IL4: variants seen among roughly 807,000 people sequenced by gnomAD.
IL4 encodes the protein interleukin-4.
In IL4, 10 loss-of-function variants were observed where a neutral mutation model predicts 17.4. The observed-to-expected ratio is 0.57, with a 90% CI of 0.35 to 0.97. The LOEUF (loss-of-function observed/expected upper bound fraction) is 0.97. Ranked by LOEUF, IL4 falls within the 50% of genes least tolerant of loss-of-function variation. The pLI is 0.01. For missense variants in IL4, 174 were observed against 187.7 expected (o/e 0.93, Z 0.43); for synonymous variants, 87 against 79.0 (o/e 1.10, Z -0.54).
chr5:132,676,071 G>C (rs1302210478), intron 2 of IL4, among the ~76,000 whole-genome samples: 1 of 151,942 alleles, frequency 6.6e-6, no homozygotes, highest in African/African-American at 2.4e-5. Flanking sequence ...CTCTAACAAA[G>C]CCAAGGGAAG....
chr5:132,674,605 TTAACTC>T, intron 2 of IL4, 99 bp downstream of exon 2: 1 of 930,186 alleles, frequency 1.1e-6, no homozygotes, highest in African/African-American at 1.6e-5. Flanking sequence ...CGGGCCCAAA[TTAACTC>T]TAAGGTGTTA....
chr5:132,679,686 T>C lies in IL4; in HGVS notation c.184-28T>C, dbSNP rs199528038. ...CCATCCTCCAAATGGAGCTGGCACA[T>C]TGCTATCTGTGGCATTTGTCTTTCC... is the stretch of plus-strand genomic sequence containing the variant. On this transcript the variant is annotated intron_variant, in intron 2 of 3. Transcript: ENST00000231449. 98 of 1,586,870 alleles carry C rather than the reference T, an allele frequency of 6.2e-5. 1 individual carries two copies. The South Asian group carries it at 9.9e-4, about 16-fold the overall frequency.
intron 2 of IL4, among the ~76,000 whole-genome samples, chr5:132,676,870 C>T (rs1239833678): frequency 2.0e-5 from 3 of 152,150 alleles, no homozygotes; most frequent in African/African-American, 7.2e-5. Context: ...GCATTCTACT[C>T]TTGGCAGTTG....
chr5:132,676,811 A>C (rs1019824242), intron 2 of IL4, among the ~76,000 whole-genome samples: 1 of 152,146 alleles, frequency 6.6e-6, no homozygotes, highest in Non-Finnish European at 1.5e-5. Flanking sequence ...CAGCCTATTG[A>C]TTTTATTTCT....
intron 1 of IL4, 132 bp downstream of exon 1, chr5:132,674,317 G>T: frequency 7.5e-7 from 1 of 1,334,706 alleles, no homozygotes; most frequent in Non-Finnish European, 1.1e-6. Context: ...ACACAGCGAG[G>T]CTTCTCCCCT....
At chr5:132,676,308 G>A (rs1277028999) in intron 2 of IL4, among the ~76,000 whole-genome samples, 1 of 152,198 alleles carries the variant, frequency 6.6e-6, no homozygotes, top group East Asian at 1.9e-4. Flanking sequence ...TTAGTGCAAA[G>A]TGTTATTGTG....
Position 132,674,116 on chromosome 5 carries a change from CCACGGACACAAGTGCGATAT to C in IL4, c.70_89del (p.Gly24LeufsTer35), listed in dbSNP as rs1224018870. The C allele has an allele frequency of 1.2e-6, 2 of 1,614,042 alleles. No individual in the cohort carries two copies. The highest frequency in any genetic ancestry group is 1.7e-5 in the Admixed American group (1 of 60,000). ...TGCTAGCATGTGCCGGCAACTTTGT[CCACGGACACAAGTGCGATAT>C]CACCTTACAGGAGATCATCAAAACT... is the stretch of plus-strand genomic sequence containing the variant. On this transcript the variant is annotated frameshift_variant, in exon 1 of 4. Transcript: ENST00000231449. LOFTEE classifies it high-confidence loss of function.
chr5:132,674,120 G>C lies in IL4; in HGVS notation c.70G>C (p.Gly24Arg), dbSNP rs749150033. Residue 24 changes from glycine to arginine, a missense_variant, in exon 1 of 4, where the codon GGA becomes CGA. Physicochemically the swap from Gly to Arg is moderately radical, Grantham distance 125. Coordinates refer to ENST00000231449, the MANE Select transcript of IL4 (RefSeq NM_000589.4). ...LLACAGNFVH[G>R]HKCDITLQEI... ...AGCATGTGCCGGCAACTTTGTCCAC[G>C]GACACAAGTGCGATATCACCTTACA... The C allele has an allele frequency of 6.2e-7, 1 of 1,614,054 alleles. No individual in the cohort carries two copies. The highest frequency in any genetic ancestry group is 1.1e-5 in the South Asian group (1 of 91,064).
intron 2 of IL4, among the ~76,000 whole-genome samples, chr5:132,678,220 G>A (rs1752419047): frequency 6.6e-6 from 1 of 152,234 alleles, no homozygotes; most frequent in Non-Finnish European, 1.5e-5. Flanking sequence ...ATAGGGGCCT[G>A]ACAAATGACA....
intron 2 of IL4, 144 bp downstream of exon 2, chr5:132,674,650 C>T: frequency 1.5e-6 from 1 of 660,194 alleles, no homozygotes; most frequent in Non-Finnish European, 2.7e-6. Flanking sequence ...GAAGTCTGAT[C>T]TTTACTCTTA....
In IL4 at chr5:132,677,009, C is replaced by A. The variant is rs139532930; in HGVS notation, c.183+2503C>A. Among the ~76,000 whole-genome samples, 674 of 152,286 alleles carry A rather than the reference C, an allele frequency of 4.4e-3. 10 individuals carry two copies. The highest frequency in any genetic ancestry group is 0.014 in the African/African-American group (592 of 41,550). ...AAGCTGGCTGGCTGATGAAGGGTTTCTTGGGTGGACAAGTAGTTGGAGCTA... is the reference window on the plus strand; with the variant it reads ...AAGCTGGCTGGCTGATGAAGGGTTTATTGGGTGGACAAGTAGTTGGAGCTA... On this transcript the variant is annotated intron_variant, in intron 2 of 3. Coordinates refer to ENST00000231449, the MANE Select transcript of IL4 (RefSeq NM_000589.4).
intron 2 of IL4, among the ~76,000 whole-genome samples, chr5:132,676,919 G>A (rs1371194956): frequency 6.6e-6 from 1 of 152,196 alleles, no homozygotes; most frequent in Admixed American, 6.5e-5. Context: ...GGGCTTCACA[G>A]GTAACACCTG....
At chr5:132,677,086 T>C (rs537665639) in intron 2 of IL4, among the ~76,000 whole-genome samples, 1 of 152,368 alleles carries the variant, frequency 6.6e-6, no homozygotes, top group African/African-American at 2.4e-5. Flanking sequence ...GAGAGTTCCA[T>C]AATGAACCTC....
chr5:132,674,366 A>C lies in IL4; in HGVS notation c.136-93A>C. On this transcript the variant is annotated intron_variant, in intron 1 of 3. Coordinates refer to ENST00000231449, the MANE Select transcript of IL4 (RefSeq NM_000589.4). ...CTGAGGGTTTGTAGGAAGTTTCCTC[A>C]GTTGGAGGGAGTGAGAGCTGCTCAT... 3.6e-6 allele frequency: 5 copies of C among 1,394,530 alleles called. No individual in the cohort carries two copies. In the Admixed American group the frequency reaches 5.2e-5, roughly 14 times the overall value. The allele number at this position is 1,394,530 out of a possible 1,614,324, so 86.4% of individuals were successfully genotyped here.
At chr5:132,675,115 C>T (rs548910298) in intron 2 of IL4, among the ~76,000 whole-genome samples, 2 of 152,292 alleles carry the variant, frequency 1.3e-5, no homozygotes, top group Non-Finnish European at 2.9e-5. Flanking sequence ...ATCCCTGCTT[C>T]GGGCTGCCTG....
chr5:132,674,167 C>G lies in IL4; in HGVS notation c.117C>G (p.Asn39Lys). ...TACAGGAGATCATCAAAACTTTGAACAGCCTCACAGAGCAGAAGGTGAGTA... is the reference window on the plus strand; with the variant it reads ...TACAGGAGATCATCAAAACTTTGAAGAGCCTCACAGAGCAGAAGGTGAGTA... ...ITLQEIIKTL[N>K]SLTEQKTLCT... The change falls in exon 1 of 4, where the codon AAC (asparagine) becomes AAG (lysine). Residue 39 changes from asparagine to lysine, a missense_variant. By Grantham distance (94) the Asn-to-Lys change is moderately conservative. Transcript: ENST00000231449. The G allele has an allele frequency of 1.2e-6, 2 of 1,614,164 alleles. No homozygotes were observed. The highest frequency in any genetic ancestry group is 1.7e-6 in the Non-Finnish European group (2 of 1,180,002).
intron 2 of IL4, among the ~76,000 whole-genome samples, chr5:132,678,359 C>T (rs191525204): frequency 3.3e-5 from 5 of 152,212 alleles, no homozygotes; most frequent in Admixed American, 1.3e-4. Flanking sequence ...AACAGTTGAC[C>T]CCTATTTTAA....
At chr5:132,681,351 A>G (rs983649065) in intron 3 of IL4, among the ~76,000 whole-genome samples, 1 of 152,152 alleles carries the variant, frequency 6.6e-6, no homozygotes, top group Non-Finnish European at 1.5e-5. Context: ...TACTGAAAGG[A>G]CAGGTCAGGT....
chr5:132,675,574 G>A (rs2149879213), intron 2 of IL4, among the ~76,000 whole-genome samples: 1 of 150,556 alleles, frequency 6.6e-6, no homozygotes, highest in East Asian at 1.9e-4. Context: ...TTTGAGATAG[G>A]GTCTTGTTCT....
Sources: gnomAD v4.1 joint callset for allele counts (sites outside exome capture counted in the v4.1 genomes callset) on GRCh38, gnomAD v4.1.1 for gene constraint, MANE v1.5 for transcripts, NCBI Gene and HGNC (gene_info 2026-07-23, HGNC 2026-07-21) for gene names.